SGCZ: variants seen among roughly 807,000 people sequenced by gnomAD.
SGCZ encodes zeta-sarcoglycan.
SGCZ carries 40 observed loss-of-function variants against 41.3 expected under a neutral mutation model. The observed-to-expected ratio is 0.97, with a 90% CI of 0.75 to 1.26. The LOEUF (loss-of-function observed/expected upper bound fraction) is 1.26, where lower values mean the gene tolerates loss of function less well. Ranked by LOEUF, SGCZ falls within the 50% of genes most tolerant of loss-of-function variation. The pLI is 0.00. For synonymous variants in SGCZ, 206 were observed against 137.5 expected, an observed-to-expected ratio of 1.50 and a Z score of -3.49; for missense variants, 552 against 369.8, an observed-to-expected ratio of 1.49 and a Z score of -4.04.
intron 2 of SGCZ, among the ~76,000 whole-genome samples, chr8:14,456,543 T>C (rs1349389250): frequency 1.3e-5 from 2 of 152,102 alleles, no homozygotes; most frequent in Non-Finnish European, 2.9e-5. Flanking sequence ...TATCTGATCA[T>C]TTGTACCAAA....
rs1800811991 is a variant in SGCZ at position 15,198,828 on chromosome 8, T to A, written c.39+38757A>T. Among the ~76,000 whole-genome samples the A allele has an allele frequency of 3.9e-5, 6 of 152,324 alleles. No individual in the cohort carries two copies. The South Asian group carries it at 1.2e-3, about 32-fold the overall frequency. On this transcript the variant is annotated intron_variant, in intron 1 of 7. Transcript: ENST00000382080. ...CAGGGCTTCAAGCCTCATGTGACTCTATGACTTATTTTTTACCTTCCTGCG... is the reference window on the plus strand; with the variant it reads ...CAGGGCTTCAAGCCTCATGTGACTCAATGACTTATTTTTTACCTTCCTGCG...
intron 2 of SGCZ, among the ~76,000 whole-genome samples, chr8:14,329,250 T>C (rs144125466): frequency 1.1e-3 from 174 of 152,290 alleles, no homozygotes; most frequent in African/African-American, 3.9e-3. Flanking sequence ...TGACATGTTG[T>C]CTATCTAAAC....
chr8:14,556,269 T>C (rs180979059), intron 1 of SGCZ, among the ~76,000 whole-genome samples: 2 of 151,866 alleles, frequency 1.3e-5, no homozygotes, highest in African/African-American at 4.8e-5. Context: ...AGATTGCTTT[T>C]ATACTTATTA....
chr8:15,097,026 A>C (rs1292877469), intron 1 of SGCZ, among the ~76,000 whole-genome samples: 1 of 152,002 alleles, frequency 6.6e-6, no homozygotes, highest in East Asian at 1.9e-4. Context: ...TGTGTTGCCC[A>C]AGCTTGTCTT....
intron 5 of SGCZ, among the ~76,000 whole-genome samples, chr8:14,124,064 G>C (rs770857685): frequency 2.6e-5 from 4 of 152,134 alleles, no homozygotes; most frequent in Non-Finnish European, 5.9e-5. Flanking sequence ...TCAGAAGGGA[G>C]CTCAGACCAG....
At chr8:14,247,616 G>A (rs1249974325) in intron 3 of SGCZ, among the ~76,000 whole-genome samples, 1 of 152,300 alleles carries the variant, frequency 6.6e-6, no homozygotes, top group African/African-American at 2.4e-5. Flanking sequence ...ATGAAAAGAT[G>A]CTTCTTCTTT....
At chr8:14,313,445 T>C (rs1801611801) in intron 3 of SGCZ, among the ~76,000 whole-genome samples, 1 of 152,108 alleles carries the variant, frequency 6.6e-6, no homozygotes, top group South Asian at 2.1e-4. Context: ...TCCTCCCAAA[T>C]AGCTAGGATT....
At chr8:14,586,139 T>C (rs934674234) in intron 1 of SGCZ, among the ~76,000 whole-genome samples, 4 of 152,216 alleles carry the variant, frequency 2.6e-5, no homozygotes, top group Non-Finnish European at 5.9e-5. Flanking sequence ...ATCGTTGTCT[T>C]AGATTTCATG....
rs1801575075 is a variant in SGCZ, at chr8:14,088,027, G to C, written c.*2416C>G. Among the ~76,000 whole-genome samples the C allele has an allele frequency of 1.3e-5, 2 of 151,680 alleles. No homozygotes were observed. The highest frequency in any genetic ancestry group is 4.1e-4 in the South Asian group (2 of 4,822). ...CTCAGAATGCATTTGAATTAAAAAT[G>C]TGTCAGTCCCTCACTGGAATCGGTT... On this transcript the variant is annotated 3_prime_UTR_variant, in exon 8 of 8. Transcript: ENST00000382080.
Position 14,938,527 on chromosome 8 carries a change from A to G in SGCZ, c.39+299058T>C, listed in dbSNP as rs539218862. 3.2e-4 allele frequency among the ~76,000 whole-genome samples: 49 copies of G among 152,318 alleles called. No homozygotes were observed. In the East Asian group the frequency reaches 8.5e-3, roughly 26 times the overall value. On this transcript the variant is annotated intron_variant, in intron 1 of 7. Transcript: ENST00000382080. ...TCTTTTTACTAGCTTACTTTATTAT[A>G]AGAACACAGTATATAATATACATAA...
intron 3 of SGCZ, among the ~76,000 whole-genome samples, chr8:14,291,512 T>G (rs908220010): frequency 1.6e-4 from 24 of 152,014 alleles, no homozygotes; most frequent in Non-Finnish European, 2.9e-5. Context: ...TCTTGAACAC[T>G]TTAGCTTTGA....
chr8:14,926,103 G>A lies in SGCZ; in HGVS notation c.39+311482C>T, dbSNP rs190027173. 4.0e-3 allele frequency among the ~76,000 whole-genome samples: 615 copies of A among 152,272 alleles called. 5 individuals are homozygous for A. Among genetic ancestry groups the A allele is most frequent in the South Asian group, 0.017 (83 of 4,830 alleles). The stretch of plus-strand genomic sequence containing the variant: ...GATTAATGTATAGGACAATCCCTAA[G>A]AAGAACACAGGTCATTAAACGCAAA... On this transcript the variant is annotated intron_variant, in intron 1 of 7. Transcript: ENST00000382080.
Position 14,641,609 on chromosome 8 carries a change from T to G in SGCZ, c.40-86683A>C, listed in dbSNP as rs1165483155. Among the ~76,000 whole-genome samples, 28 of 151,678 alleles carry G rather than the reference T, an allele frequency of 1.8e-4. No homozygotes were observed. The Admixed American group carries it at 1.8e-3, about 10-fold the overall frequency. ...TATATTTAAAGTAATAGCCAAATAT[T>G]ACTCAAGTATTATTTATTCACAGTC... On this transcript the variant is annotated intron_variant, in intron 1 of 7. Transcript: ENST00000382080.
At chr8:14,940,651 G>C (rs979489734) in intron 1 of SGCZ, among the ~76,000 whole-genome samples, 1 of 151,226 alleles carries the variant, frequency 6.6e-6, no homozygotes, top group African/African-American at 2.4e-5. Context: ...TGGAGGCCAG[G>C]AGATCTTTTT....
At chr8:14,920,273 T>C (rs539546156) in intron 1 of SGCZ, among the ~76,000 whole-genome samples, 4 of 152,170 alleles carry the variant, frequency 2.6e-5, no homozygotes, top group Admixed American at 2.6e-4. Flanking sequence ...ACTGAAGTAG[T>C]GCTATAATAA....
chr8:14,377,544 T>G (rs13274149), intron 2 of SGCZ, among the ~76,000 whole-genome samples: 5,073 of 152,202 alleles, frequency 0.033, 133 homozygotes, highest in Admixed American at 0.074. Context: ...CTTTTGTTAT[T>G]ATACTTTAAG....
chr8:15,223,251 C>A (rs1218556242), intron 1 of SGCZ, among the ~76,000 whole-genome samples: 1 of 152,158 alleles, frequency 6.6e-6, no homozygotes, highest in African/African-American at 2.4e-5. Context: ...TAAGCACTAT[C>A]TAAAATGGAA....
chr8:14,145,574 C>T (rs185365125), intron 5 of SGCZ, among the ~76,000 whole-genome samples: 104 of 152,222 alleles, frequency 6.8e-4, no homozygotes, highest in Middle Eastern at 6.8e-3. Context: ...AAAACATGAC[C>T]TCAGTAAATG....
chr8:14,237,046 A>T (rs1157019450), intron 4 of SGCZ, among the ~76,000 whole-genome samples: 1 of 152,116 alleles, frequency 6.6e-6, no homozygotes, highest in African/African-American at 2.4e-5. Context: ...ATATAAGCAG[A>T]TACAATTTAT....
Sources: gnomAD v4.1 joint callset for allele counts (sites outside exome capture counted in the v4.1 genomes callset) on GRCh38, gnomAD v4.1.1 for gene constraint, MANE v1.5 for transcripts, NCBI Gene and HGNC (gene_info 2026-07-23, HGNC 2026-07-21) for gene names.